NFATC3: variants seen among roughly 807,000 people sequenced by gnomAD.
The protein encoded by NFATC3 is nuclear factor of activated T-cells, cytoplasmic 3.
In NFATC3, 46 loss-of-function variants were observed where a neutral mutation model predicts 98.6. The observed-to-expected ratio is 0.47, with a 90% CI of 0.37 to 0.60. NFATC3 has a LOEUF of 0.60. NFATC3 is among the 20% of genes least tolerant of loss of function. The pLI is 0.00. For synonymous variants in NFATC3, 512 were observed against 472.2 expected, an observed-to-expected ratio of 1.08 and a Z score of -1.09; for missense variants, 1,256 against 1,295.5, an observed-to-expected ratio of 0.97 and a Z score of 0.47.
At chr16:68,171,018 AT>A (rs909199117) in intron 5 of NFATC3, among the ~76,000 whole-genome samples, 1 of 151,228 alleles carries the variant, frequency 6.6e-6, no homozygotes, top group African/African-American at 2.4e-5. Context: ...TTTTTATTTT[AT>A]TTTTTTGAGA....
chr16:68,159,704 T>A (rs1042469178), intron 4 of NFATC3, among the ~76,000 whole-genome samples: 2 of 151,100 alleles, frequency 1.3e-5, no homozygotes, highest in South Asian at 4.3e-4. Context: ...ATTACAGGCG[T>A]GAGCCACTGA....
chr16:68,227,286 C>G lies in NFATC3; in HGVS notation c.*815C>G, dbSNP rs1206340986. The G allele has an allele frequency of 6.6e-6, 1 of 152,172 alleles. No homozygotes were observed. Among genetic ancestry groups the G allele is most frequent in the East Asian group, 1.9e-4 (1 of 5,194 alleles). 9.4% of individuals were successfully genotyped at this position (152,172 alleles called of 1,614,324 possible). A position where few individuals can be genotyped will look rare whatever the true frequency, so the allele number is the denominator to read the frequency against. ...GGTGGGGTTCTAGCTTGGTCACTTT[C>G]ATTTCTTGCCATCATAAAAACTAGT... is the stretch of plus-strand genomic sequence containing the variant. On this transcript the variant is annotated 3_prime_UTR_variant, in exon 10 of 10. Transcript: ENST00000346183.
intron 1 of NFATC3, among the ~76,000 whole-genome samples, chr16:68,113,898 G>A (rs932266369): frequency 7.9e-5 from 12 of 152,208 alleles, no homozygotes; most frequent in African/African-American, 1.4e-4. Context: ...ATTCCTCTTC[G>A]TCCAAACCGC....
chr16:68,146,118 A>G (rs990371229), intron 3 of NFATC3, among the ~76,000 whole-genome samples: 1 of 152,162 alleles, frequency 6.6e-6, no homozygotes, highest in African/African-American at 2.4e-5. Flanking sequence ...TTGAATTCCA[A>G]AATGTTCCAG....
intron 3 of NFATC3, among the ~76,000 whole-genome samples, chr16:68,131,273 T>C (rs1404909585): frequency 1.3e-5 from 2 of 152,216 alleles, no homozygotes; most frequent in East Asian, 3.9e-4. Flanking sequence ...AACAACAACT[T>C]TTTTTGTTTG....
Position 68,226,421 on chromosome 16 carries a change from C to T in NFATC3, c.3178C>T (p.Pro1060Ser), listed in dbSNP as rs781540569. 1 of 1,570,234 alleles carries T rather than the reference C, an allele frequency of 6.4e-7. No homozygotes were observed. Among genetic ancestry groups the T allele is most frequent in the South Asian group, 1.2e-5 (1 of 84,300 alleles). ...AGGAGCAGGGGTGAGCAGGCAGGCT[C>T]CCCTCCCGAGTCCTGAGTCCCTGGA... is the stretch of plus-strand genomic sequence containing the variant. ...SQGAGVSRQAPLPSPESLDLG... is the reference protein window; with the variant it reads ...SQGAGVSRQASLPSPESLDLG... The change falls in exon 10 of 10, where the codon CCC (proline) becomes TCC (serine). Residue 1060 changes from proline to serine, a missense_variant. This residue lies in a region of NFATC3 where 636 missense variants were observed against 617.3 expected (regional missense o/e 1.03). Coordinates refer to ENST00000346183, the MANE Select transcript of NFATC3 (RefSeq NM_173165.3).
At chr16:68,157,820 A>G (rs931703572) in intron 3 of NFATC3, 49 bp from the exon 4 acceptor site, 2 of 1,470,506 alleles carry the variant, frequency 1.4e-6, no homozygotes, top group Non-Finnish European at 9.4e-7. Context: ...ATATTGTAAA[A>G]TGCATGGATA....
chr16:68,172,706 C>A (rs180828446), intron 5 of NFATC3, among the ~76,000 whole-genome samples: 6 of 152,262 alleles, frequency 3.9e-5, no homozygotes, highest in Non-Finnish European at 8.8e-5. Flanking sequence ...CACTTGAGCA[C>A]AGAAGGTTGA....
chr16:68,122,076 C>T lies in NFATC3; in HGVS notation c.193C>T (p.His65Tyr), dbSNP rs747401161. The change falls in exon 2 of 10, where the codon CAT becomes TAT. Residue 65 changes from histidine to tyrosine, a missense_variant. By Grantham distance (83) the His-to-Tyr change is moderately conservative (BLOSUM62 2). Around this residue, in one of 3 missense-constraint regions of NFATC3, gnomAD observed 464 missense variants for 465.7 expected, o/e 1.00. Coordinates refer to ENST00000346183, the MANE Select transcript of NFATC3 (RefSeq NM_173165.3). ...TLTTPLCLPHHGLPSHSSVLS... is the reference protein window; with the variant it reads ...TLTTPLCLPHYGLPSHSSVLS... ...AACCACACCACTTTGCTTACCACAT[C>T]ATGGATTACCGTCTCACTCTTCTGT... 1.4e-5 allele frequency: 23 copies of T among 1,613,958 alleles called. No homozygotes were observed. In the African/African-American group the frequency reaches 2.7e-4, roughly 19 times the overall value.
intron 1 of NFATC3, among the ~76,000 whole-genome samples, chr16:68,116,115 G>A (rs1438426414): frequency 6.6e-6 from 1 of 152,116 alleles, no homozygotes; most frequent in East Asian, 1.9e-4. Flanking sequence ...ATAAATGAAT[G>A]AGCATGGTTG....
intron 1 of NFATC3, among the ~76,000 whole-genome samples, chr16:68,114,591 T>TG (rs1361939339): frequency 1.3e-5 from 2 of 151,876 alleles, no homozygotes; most frequent in Non-Finnish European, 2.9e-5. Flanking sequence ...TTTTTTTTTT[T>TG]TTGAGACGGA....
chr16:68,135,827 C>T (rs981321259), intron 3 of NFATC3, among the ~76,000 whole-genome samples: 1 of 152,112 alleles, frequency 6.6e-6, no homozygotes, highest in Non-Finnish European at 1.5e-5. Context: ...CTTTGGGAGG[C>T]CGAGGCAGGT....
At chr16:68,170,652 A>C (rs1194587550) in intron 5 of NFATC3, among the ~76,000 whole-genome samples, 2 of 150,598 alleles carry the variant, frequency 1.3e-5, no homozygotes, top group Non-Finnish European at 3.0e-5. Context: ...ACCACCACAC[A>C]CAGCTGATTT....
At chr16:68,223,979 G>T (rs954241263) in intron 9 of NFATC3, among the ~76,000 whole-genome samples, 3 of 151,342 alleles carry the variant, frequency 2.0e-5, no homozygotes, top group Non-Finnish European at 4.4e-5. Context: ...AGGCGCGGGG[G>T]CTCATGCCTG....
rs1555522047 is a variant in NFATC3, at chr16:68,192,230, A to AAAAATAT, written c.3106+456_3106+457insAAATATA. On this transcript the variant is annotated intron_variant, in intron 9 of 9. Transcript: ENST00000346183. ...CTCGGGAAAAAAAAAAAAAAAAAAA[A>AAAAATAT]ATATATATATATATATATATATATG... 3.5e-3 allele frequency: 290 copies of AAAAATAT among 82,576 alleles called. 40 individuals are homozygous for AAAAATAT. The highest frequency in any genetic ancestry group is 0.014 in the African/African-American group (246 of 17,438). 5.1% of individuals were successfully genotyped at this position (82,576 alleles called of 1,614,324 possible).
chr16:68,175,780 T>TA (rs2039667463), intron 6 of NFATC3, among the ~76,000 whole-genome samples: 1 of 152,124 alleles, frequency 6.6e-6, no homozygotes, highest in Non-Finnish European at 1.5e-5. Context: ...GGCTGGTTCT[T>TA]AAACTCTTGA....
At chr16:68,110,946 C>G (rs1446895100) in intron 1 of NFATC3, among the ~76,000 whole-genome samples, 3 of 152,116 alleles carry the variant, frequency 2.0e-5, no homozygotes, top group African/African-American at 7.2e-5. Context: ...TGTTCAATTT[C>G]CATGTAGTTG....
intron 9 of NFATC3, among the ~76,000 whole-genome samples, chr16:68,216,775 C>T (rs1414568051): frequency 2.0e-5 from 3 of 152,094 alleles, no homozygotes; most frequent in African/African-American, 4.8e-5. Context: ...TCAAGCGATC[C>T]GCCAACCTTG....
At position 68,191,212 on chromosome 16, in the gene NFATC3, C is replaced by T. The variant is rs1002945902; in HGVS notation, c.2543C>T (p.Pro848Leu). ...LSGLVNLGCQ[P>L]LSSIPFHSSN... is the part of the protein sequence containing the mutation. Reference sequence around the variant, plus strand: ...GGTTTAGTGAATCTTGGCTGTCAACCACTGTCATCCATACCATTTCATTCT... The same window carrying T: ...GGTTTAGTGAATCTTGGCTGTCAACTACTGTCATCCATACCATTTCATTCT... Residue 848 changes from proline (P) to leucine (L), a missense_variant, in exon 9 of 10, where the codon CCA (proline) becomes CTA (leucine). Around this residue, in one of 3 missense-constraint regions of NFATC3, gnomAD observed 636 missense variants for 617.3 expected, o/e 1.03. Transcript: ENST00000346183. 3.1e-6 allele frequency: 5 copies of T among 1,614,066 alleles called. No homozygotes were observed. The highest frequency in any genetic ancestry group is 4.2e-6 in the Non-Finnish European group (5 of 1,180,048).
Sources: gnomAD v4.1 joint callset for allele counts (sites outside exome capture counted in the v4.1 genomes callset) on GRCh38, gnomAD v4.1.1 for gene constraint, gnomAD v4.1.1 regional missense constraint, MANE v1.5 for transcripts, NCBI Gene and HGNC (gene_info 2026-07-23, HGNC 2026-07-21) for gene names.